The following GNAL variants were observed in gnomAD, a reference collection of about 807,000 sequenced individuals.
The protein encoded by GNAL is guanine nucleotide-binding protein G(olf) subunit alpha.
Under a neutral mutation model 55.1 loss-of-function variants are expected in GNAL, and 18 were observed. That is an observed-to-expected ratio of 0.33 (90% CI 0.23 to 0.48). The LOEUF is 0.48. Among genes scored for constraint, GNAL ranks in the 20% least tolerant of loss-of-function variants. The pLI, the probability that GNAL is intolerant of heterozygous loss-of-function variation, is 0.99. For synonymous variants in GNAL, 253 were observed against 237.0 expected (o/e 1.07, Z -0.62); for missense variants, 412 against 614.1 (o/e 0.67, Z 3.48).
intron 5 of GNAL, among the ~76,000 whole-genome samples, chr18:11,847,012 T>C (rs1286830851): frequency 4.6e-5 from 7 of 151,238 alleles, no homozygotes. Flanking sequence ...AATAAATTAA[T>C]ATTATATATG....
chr18:11,819,729 T>G (rs957515698), intron 4 of GNAL, among the ~76,000 whole-genome samples: 1 of 152,082 alleles, frequency 6.6e-6, no homozygotes, highest in African/African-American at 2.4e-5. Flanking sequence ...AACCCTGAAA[T>G]TATTTTTATT....
At chr18:11,829,485 G>A (rs1052733255) in intron 5 of GNAL, among the ~76,000 whole-genome samples, 2 of 152,176 alleles carry the variant, frequency 1.3e-5, no homozygotes, top group Non-Finnish European at 2.9e-5. Context: ...CAAATAAGAT[G>A]TTAGAAAAAA....
chr18:11,850,456 T>C (rs1475616395), intron 5 of GNAL, among the ~76,000 whole-genome samples: 1 of 152,210 alleles, frequency 6.6e-6, no homozygotes, highest in Non-Finnish European at 1.5e-5. Flanking sequence ...CTTCTCACAT[T>C]GTTATTGCTG....
At chr18:11,735,704 G>A (rs1262493167) in intron 1 of GNAL, among the ~76,000 whole-genome samples, 2 of 150,702 alleles carry the variant, frequency 1.3e-5, no homozygotes, top group Non-Finnish European at 1.5e-5. Context: ...GCAGTGAGCC[G>A]AGATTGTGCC....
intron 1 of GNAL, among the ~76,000 whole-genome samples, chr18:11,701,682 G>T (rs59887802): frequency 2.1e-3 from 323 of 152,112 alleles, no homozygotes; most frequent in African/African-American, 7.5e-3. Flanking sequence ...GTTCATCAAG[G>T]AGCTGCTGAA....
chr18:11,757,003 T>C (rs1209912107), intron 4 of GNAL, among the ~76,000 whole-genome samples: 1 of 152,242 alleles, frequency 6.6e-6, no homozygotes, highest in East Asian at 1.9e-4. Flanking sequence ...AAATACATTA[T>C]ATTAAAGTTA....
intron 4 of GNAL, among the ~76,000 whole-genome samples, chr18:11,820,591 T>C (rs2035066378): frequency 6.6e-6 from 1 of 152,200 alleles, no homozygotes; most frequent in Non-Finnish European, 1.5e-5. Context: ...AAATTGGCCA[T>C]GTGTTGATAA....
intron 11 of GNAL, among the ~76,000 whole-genome samples, chr18:11,878,209 G>A (rs2036577449): frequency 6.6e-6 from 1 of 152,184 alleles, no homozygotes; most frequent in South Asian, 2.1e-4. Flanking sequence ...CCAACACTTT[G>A]GGAGGCCAAG....
chr18:11,692,821 A>T (rs1195589201), intron 1 of GNAL, among the ~76,000 whole-genome samples: 1 of 151,206 alleles, frequency 6.6e-6, no homozygotes, highest in Non-Finnish European at 1.5e-5. Context: ...AAATAAACAA[A>T]TAAAAGAATA....
intron 4 of GNAL, among the ~76,000 whole-genome samples, chr18:11,819,770 A>C (rs553462113): frequency 6.6e-6 from 1 of 152,156 alleles, no homozygotes; most frequent in Non-Finnish European, 1.5e-5. Flanking sequence ...GCTAATGTAG[A>C]CATACTAAAA....
At chr18:11,780,387 A>T (rs948747699) in intron 4 of GNAL, among the ~76,000 whole-genome samples, 4 of 151,938 alleles carry the variant, frequency 2.6e-5, no homozygotes, top group Non-Finnish European at 5.9e-5. Context: ...AAAAAAAAAA[A>T]GATAATTTTT....
intron 4 of GNAL, among the ~76,000 whole-genome samples, chr18:11,808,248 G>A (rs191662618): frequency 6.6e-6 from 1 of 152,034 alleles, no homozygotes; most frequent in African/African-American, 2.4e-5. Flanking sequence ...GCAAAAGAGC[G>A]CCTCTGCCCG....
At chr18:11,692,450 A>G (rs1307180627) in intron 1 of GNAL, among the ~76,000 whole-genome samples, 1 of 152,198 alleles carries the variant, frequency 6.6e-6, no homozygotes, top group Non-Finnish European at 1.5e-5. Context: ...TCCAGTGCTC[A>G]CCTCCAGAAT....
chr18:11,747,249 A>G, intron 1 of GNAL: 1 of 325,268 alleles, frequency 3.1e-6, no homozygotes, highest in Non-Finnish European at 6.1e-6. Flanking sequence ...CTCCTGAAAG[A>G]GACATTTGAG....
intron 4 of GNAL, among the ~76,000 whole-genome samples, chr18:11,819,684 T>C (rs2035043394): frequency 6.6e-6 from 1 of 152,120 alleles, no homozygotes; most frequent in African/African-American, 2.4e-5. Context: ...CATTTTACTG[T>C]GAATTACTCT....
intron 5 of GNAL, among the ~76,000 whole-genome samples, chr18:11,849,869 G>A (rs1161849910): frequency 6.6e-6 from 1 of 152,202 alleles, no homozygotes; most frequent in Non-Finnish European, 1.5e-5. Flanking sequence ...GCTGTGTGCA[G>A]AGCGCCTGCT....
chr18:11,760,367 C>T (rs1254570400), intron 4 of GNAL, among the ~76,000 whole-genome samples: 2 of 152,050 alleles, frequency 1.3e-5, no homozygotes, highest in African/African-American at 4.8e-5. Context: ...CTGTTCTTTG[C>T]CTTTTGAGCT....
chr18:11,692,947 T>C (rs2031299769), intron 1 of GNAL, among the ~76,000 whole-genome samples: 1 of 152,058 alleles, frequency 6.6e-6, no homozygotes, highest in Non-Finnish European at 1.5e-5. Context: ...ATGCTCTACC[T>C]GGAAAGACAT....
intron 1 of GNAL, among the ~76,000 whole-genome samples, chr18:11,700,169 C>T (rs371284139): frequency 3.9e-5 from 6 of 152,108 alleles, no homozygotes; most frequent in African/African-American, 7.2e-5. Flanking sequence ...CTAATGAGCC[C>T]GTTTAGGGGC....
Sources: gnomAD v4.1 joint callset for allele counts (sites outside exome capture counted in the v4.1 genomes callset) on GRCh38, gnomAD v4.1.1 for gene constraint, MANE v1.5 for transcripts, NCBI Gene and HGNC (gene_info 2026-07-23, HGNC 2026-07-21) for gene names.